Variants in ZNF722 observed in about 807,000 individuals in gnomAD.
ZNF722 encodes zinc finger protein 479 pseudogene.
the ZNF722 span, chr7:64,005,872 G>A: frequency 2.3e-6 from 2 of 869,914 alleles, no homozygotes; most frequent in East Asian, 2.7e-5. Context: ...ATTCATTGGT[G>A]TAGAACAGAT....
the ZNF722 span, among the ~76,000 whole-genome samples, chr7:64,012,011 T>A: frequency 2.6e-5 from 4 of 152,116 alleles, no homozygotes; most frequent in Admixed American, 2.6e-4. Flanking sequence ...CTCACTTCAT[T>A]TCATTAATTT....
chr7:64,003,802 G>T, the ZNF722 span, among the ~76,000 whole-genome samples: 2,768 of 152,266 alleles, frequency 0.018, 170 homozygotes, highest in East Asian at 0.18. Context: ...TGTTGAACAT[G>T]AGAAGGTGTA....
the ZNF722 span, among the ~76,000 whole-genome samples, chr7:64,004,425 A>AAAAAAAAAAAATATATAT: frequency 3.3e-5 from 2 of 61,120 alleles, no homozygotes; most frequent in African/African-American, 1.6e-4. Flanking sequence ...AAAAAAAAAA[A>AAAAAAAAAAAATATATAT]ATATATATAT....
chr7:64,017,152 A>G, the ZNF722 span, among the ~76,000 whole-genome samples: 1 of 152,152 alleles, frequency 6.6e-6, no homozygotes, highest in Admixed American at 6.6e-5. Flanking sequence ...TTGGGAGGCC[A>G]AGGTCAGTGG....
At chr7:64,007,246 A>ATATATATATT in the ZNF722 span, among the ~76,000 whole-genome samples, 24 of 145,460 alleles carry the variant, frequency 1.6e-4, no homozygotes, top group African/African-American at 6.1e-4. Context: ...ATATATATAT[A>ATATATATATT]TATATATATT....
At chr7:64,001,353 T>A in the ZNF722 span, among the ~76,000 whole-genome samples, 23 of 152,320 alleles carry the variant, frequency 1.5e-4, no homozygotes, top group Middle Eastern at 3.4e-3. Context: ...TATTTGATTT[T>A]CTGTTCCTGC....
the ZNF722 span, among the ~76,000 whole-genome samples, chr7:64,004,551 G>C: frequency 1.3e-5 from 2 of 149,576 alleles, no homozygotes; most frequent in Admixed American, 6.7e-5. Context: ...TAATACAAAT[G>C]TGTCCTAATA....
At chr7:64,012,769 A>G in the ZNF722 span, among the ~76,000 whole-genome samples, 4 of 151,540 alleles carry the variant, frequency 2.6e-5, no homozygotes, top group African/African-American at 9.7e-5. Flanking sequence ...TCCAAATCCC[A>G]TATTGAAATG....
the ZNF722 span, among the ~76,000 whole-genome samples, chr7:64,007,230 G>GTGTGTATATATA: frequency 3.4e-4 from 47 of 138,500 alleles, no homozygotes; most frequent in South Asian, 8.9e-4. Context: ...GTTTGTGTGT[G>GTGTGTATATATA]TATATATATA....
chr7:64,000,436 C>CTGTTTTTTT, the ZNF722 span, among the ~76,000 whole-genome samples: 1 of 23,674 alleles, frequency 4.2e-5, no homozygotes, highest in Non-Finnish European at 6.9e-5. Context: ...CATGCCCGGC[C>CTGTTTTTTT]TTTTTTTTTT....
chr7:64,009,883 T>C, the ZNF722 span, among the ~76,000 whole-genome samples: 13 of 152,178 alleles, frequency 8.5e-5, no homozygotes, highest in Non-Finnish European at 1.6e-4. Context: ...GGACTTTTTT[T>C]GGTTGGTAGG....
chr7:64,010,080 G>A, the ZNF722 span, among the ~76,000 whole-genome samples: 1 of 152,104 alleles, frequency 6.6e-6, no homozygotes, highest in Non-Finnish European at 1.5e-5. Flanking sequence ...TGTGGGATCG[G>A]TGGTGGTATC....
At chr7:64,010,718 C>T in the ZNF722 span, among the ~76,000 whole-genome samples, 1 of 152,152 alleles carries the variant, frequency 6.6e-6, no homozygotes, top group Non-Finnish European at 1.5e-5. Flanking sequence ...AATGTACATT[C>T]CGTTGCTTTT....
the ZNF722 span, among the ~76,000 whole-genome samples, chr7:64,004,443 T>TATATATAC: frequency 7.4e-6 from 1 of 134,586 alleles, no homozygotes; most frequent in Non-Finnish European, 1.5e-5. Flanking sequence ...TATATATATA[T>TATATATAC]ATATATATAT....
At chr7:63,999,915 C>T in the ZNF722 span, among the ~76,000 whole-genome samples, 240 of 151,946 alleles carry the variant, frequency 1.6e-3, 1 homozygote, top group African/African-American at 5.6e-3. Context: ...AGGGTGCTCT[C>T]GAACCCCTGA....
chr7:64,001,021 C>G, the ZNF722 span, among the ~76,000 whole-genome samples: 1 of 152,188 alleles, frequency 6.6e-6, no homozygotes, highest in Non-Finnish European at 1.5e-5. Context: ...AGGTGATCTG[C>G]CTGCCTCAGC....
chr7:64,000,132 T>TTTG, the ZNF722 span, among the ~76,000 whole-genome samples: 9,081 of 139,260 alleles, frequency 0.065, 390 homozygotes, highest in African/African-American at 0.13. Context: ...TTTTTTTTTT[T>TTTG]TGTGTGTGTG....
chr7:64,010,548 C>G, the ZNF722 span, among the ~76,000 whole-genome samples: 5 of 152,050 alleles, frequency 3.3e-5, no homozygotes, highest in Non-Finnish European at 7.4e-5. Flanking sequence ...TGTAGTTGAG[C>G]GGTTTTGAGT....
the ZNF722 span, chr7:64,015,723 A>T: frequency 6.2e-7 from 1 of 1,613,788 alleles, no homozygotes; most frequent in African/African-American, 1.3e-5. Context: ...GAGAATTCAT[A>T]CTGGAGAGAA....
Sources: allele counts gnomAD v4.1 joint callset (sites outside exome capture counted in the v4.1 genomes callset), GRCh38; gene constraint gnomAD v4.1.1; transcripts MANE v1.5; gene names NCBI Gene and HGNC (gene_info 2026-07-23, HGNC 2026-07-21).